The following CUBN variants were observed in gnomAD, a reference collection of about 807,000 sequenced individuals.
CUBN encodes 460 kDa receptor.
A neutral mutation model predicts 405.3 loss-of-function variants in CUBN; 282 were observed. That is an observed-to-expected ratio of 0.70 (90% CI 0.63 to 0.77). The LOEUF (loss-of-function observed/expected upper bound fraction) is 0.77. Ranked by LOEUF, CUBN falls within the 30% of genes least tolerant of loss-of-function variation. CUBN has a pLI of 0.00. For missense variants in CUBN, 4,514 were observed against 4,475.2 expected (o/e 1.01, Z -0.25); for synonymous variants, 1,684 against 1,617.0 (o/e 1.04, Z -0.99).
chr10:16,862,158 TCTCACA>T (rs1400482403), intron 59 of CUBN, among the ~76,000 whole-genome samples: 272 of 90,850 alleles, frequency 3.0e-3, no homozygotes, highest in African/African-American at 0.014. Flanking sequence ...TCTCTCTCTC[TCTCACA>T]CACACACACA....
chr10:16,951,970 G>T (rs184008743), intron 33 of CUBN, among the ~76,000 whole-genome samples: 1 of 152,006 alleles, frequency 6.6e-6, no homozygotes, highest in South Asian at 2.1e-4. Flanking sequence ...GCCTGCATAC[G>T]CCTGTTAATA....
At chr10:16,877,288 TA>T (rs758216443) in intron 56 of CUBN, among the ~76,000 whole-genome samples, 191 bp from the exon 57 acceptor site, 156 of 152,226 alleles carry the variant, frequency 1.0e-3, no homozygotes, top group Non-Finnish European at 1.6e-3. Context: ...ACAGGTATGA[TA>T]AAACAGGTAG....
chr10:16,835,458 C>T (rs1465608460), intron 63 of CUBN, among the ~76,000 whole-genome samples: 1 of 152,162 alleles, frequency 6.6e-6, no homozygotes, highest in Non-Finnish European at 1.5e-5. Flanking sequence ...CCTTTAAAGA[C>T]GAATACTCGA....
At chr10:16,980,487 T>C (rs1391633050) in intron 31 of CUBN, among the ~76,000 whole-genome samples, 3 of 152,214 alleles carry the variant, frequency 2.0e-5, no homozygotes, top group Non-Finnish European at 4.4e-5. Context: ...GTGGCACCTA[T>C]ACACCATGGA....
intron 60 of CUBN, among the ~76,000 whole-genome samples, chr10:16,841,765 C>T (rs182917789): frequency 8.4e-4 from 128 of 152,074 alleles, no homozygotes; most frequent in African/African-American, 2.9e-3. Context: ...ATCCCCAACT[C>T]GGCCGGGCGT....
intron 27 of CUBN, among the ~76,000 whole-genome samples, chr10:17,035,240 T>C (rs1415051816): frequency 6.6e-6 from 1 of 152,064 alleles, no homozygotes; most frequent in African/African-American, 2.4e-5. Context: ...TAAGCAGAAA[T>C]CCAAGAGGCT....
intron 62 of CUBN, among the ~76,000 whole-genome samples, chr10:16,837,854 C>T (rs1839220419): frequency 6.6e-6 from 1 of 152,186 alleles, no homozygotes; most frequent in African/African-American, 2.4e-5. Context: ...ATGACAAACA[C>T]TGGGTCTTAC....
At chr10:17,055,776 T>C (rs2131831670) in intron 22 of CUBN, among the ~76,000 whole-genome samples, 1 of 152,214 alleles carries the variant, frequency 6.6e-6, no homozygotes, top group South Asian at 2.1e-4. Context: ...TGAAGGAAGA[T>C]CTGAATAAAT....
chr10:16,866,271 T>A (rs1840179958), intron 59 of CUBN, among the ~76,000 whole-genome samples: 1 of 152,170 alleles, frequency 6.6e-6, no homozygotes, highest in African/African-American at 2.4e-5. Flanking sequence ...AGAAGTTTGA[T>A]GTGTAGTGTG....
chr10:16,932,538 A>G lies in CUBN; in HGVS notation c.6124+549T>C, dbSNP rs115489979. Among the ~76,000 whole-genome samples the G allele has an allele frequency of 1.2e-3, 177 of 152,266 alleles. 1 individual carries two copies. Among genetic ancestry groups the G allele is most frequent in the Middle Eastern group, 6.8e-3 (2 of 294 alleles). ...ACAATATCACCCCTTAACTCTACCT[A>G]TTCTACCCACATTCAGGGGACAAAG... is the stretch of plus-strand genomic sequence containing the variant. On this transcript the variant is annotated intron_variant, in intron 40 of 66. Coordinates refer to ENST00000377833, the MANE Select transcript of CUBN (RefSeq NM_001081.4).
In CUBN at chr10:16,869,741, G is replaced by A. The variant is rs375906166; in HGVS notation, c.9349C>T (p.Arg3117Cys). Residue 3117 changes from arginine (R) to cysteine (C), a missense_variant, in exon 59 of 67, where the codon CGC becomes TGC. Coordinates refer to ENST00000377833, the MANE Select transcript of CUBN (RefSeq NM_001081.4). ...PLLGKFCGSK[R>C]PPNVKSSNNS... ...TTGCTGCTCTTCACATTTGGTGGGC[G>A]CTTGGAACCGCAGAATTTGCCAAGA... 4 of 1,613,890 alleles carry A rather than the reference G, an allele frequency of 2.5e-6. No individual in the cohort carries two copies. The highest frequency in any genetic ancestry group is 2.2e-5 in the East Asian group (1 of 44,878).
chr10:17,044,958 T>G, intron 25 of CUBN, 49 bp downstream of exon 25: 1 of 1,539,412 alleles, frequency 6.5e-7, no homozygotes, highest in Non-Finnish European at 9.0e-7. Flanking sequence ...GCATTGTGCG[T>G]TGGGTGAGAT....
intron 64 of CUBN, 42 bp downstream of exon 64, chr10:16,834,972 C>A (rs1277157284): frequency 6.4e-7 from 1 of 1,570,532 alleles, no homozygotes; most frequent in Non-Finnish European, 8.8e-7. Context: ...GATCCACCAT[C>A]TTTTAAATAA....
intron 12 of CUBN, 82 bp downstream of exon 12, chr10:17,104,337 C>T: frequency 7.7e-7 from 1 of 1,295,206 alleles, no homozygotes; most frequent in Non-Finnish European, 1.1e-6. Flanking sequence ...GTGGGTTCAG[C>T]AGAGGAATCT....
At chr10:17,037,551 G>A (rs952694934) in intron 27 of CUBN, among the ~76,000 whole-genome samples, 15 of 152,204 alleles carry the variant, frequency 9.9e-5, no homozygotes, top group African/African-American at 3.6e-4. Flanking sequence ...TGGATAATAC[G>A]GTTCCAACCT....
Position 16,906,245 on chromosome 10 carries a change from T to G in CUBN, c.7870A>C (p.Ser2624Arg), listed in dbSNP as rs772160240. 1.4e-5 allele frequency: 23 copies of G among 1,614,080 alleles called. No homozygotes were observed. The South Asian group carries it at 2.0e-4, about 14-fold the overall frequency. The change falls in exon 50 of 67, where the codon AGT becomes CGT. Residue 2624 changes from serine (S) to arginine (R), a missense_variant. Transcript: ENST00000377833. ...SIHFEDFYLESHQDCQFDVLE... is the reference protein window; with the variant it reads ...SIHFEDFYLERHQDCQFDVLE... ...ACATCAAATTGACAGTCTTGGTGAC[T>G]TTCTAGGTAAAAATCTTCAAAGTGA...
In CUBN at chr10:16,906,359, C is replaced by T; in HGVS notation, c.7756G>A (p.Gly2586Ser). Residue 2586 changes from glycine to serine, a missense_variant, in exon 50 of 67, where the codon GGC becomes AGC. By Grantham distance (56) the Gly-to-Ser change is moderately conservative. Coordinates refer to ENST00000377833, the MANE Select transcript of CUBN (RefSeq NM_001081.4). ...GAGTAATTCCTGACTCCGTCATAGC[C>T]AGGAGAAGTAAAGTTTCCTTCAGGA... is the stretch of plus-strand genomic sequence containing the variant. The part of the protein sequence containing the change: ...NTPEGNFTSP[G>S]YDGVRNYSRN... 6.2e-7 allele frequency: 1 copy of T among 1,614,038 alleles called. No homozygotes were observed. The highest frequency in any genetic ancestry group is 8.5e-7 in the Non-Finnish European group (1 of 1,179,962).
intron 59 of CUBN, among the ~76,000 whole-genome samples, chr10:16,862,052 G>T (rs1188239478): frequency 6.6e-6 from 1 of 152,054 alleles, no homozygotes; most frequent in African/African-American, 2.4e-5. Context: ...AAGGGGCTGA[G>T]GCAGGAGAAT....
chr10:17,007,539 G>A (rs557447688), intron 28 of CUBN, among the ~76,000 whole-genome samples: 126 of 152,288 alleles, frequency 8.3e-4, no homozygotes, highest in African/African-American at 2.9e-3. Flanking sequence ...CAGAAGCAGT[G>A]CTCAGGAAAT....
Sources: gnomAD v4.1 joint callset for allele counts (sites outside exome capture counted in the v4.1 genomes callset) on GRCh38, gnomAD v4.1.1 for gene constraint, MANE v1.5 for transcripts, NCBI Gene and HGNC (gene_info 2026-07-23, HGNC 2026-07-21) for gene names.